RIBC2: variants seen among roughly 807,000 people sequenced by gnomAD.
RIBC2 encodes the protein RIB43A domain with coiled-coils 2.
In RIBC2, 40 loss-of-function variants were observed where a neutral mutation model predicts 44.3. The ratio of observed to expected loss-of-function variants is 0.90; its 90% CI spans 0.70 to 1.18. The LOEUF is 1.18. RIBC2 is among the 50% of genes most tolerant of loss of function. The pLI, the probability that RIBC2 is intolerant of heterozygous loss-of-function variation, is 0.00. For synonymous variants in RIBC2, 171 were observed against 175.0 expected (o/e 0.98, Z 0.18); for missense variants, 459 against 485.5 (o/e 0.95, Z 0.51).
chr22:45,423,814 G>A (rs2087508525), intron 4 of RIBC2, among the ~76,000 whole-genome samples: 1 of 152,164 alleles, frequency 6.6e-6, no homozygotes, highest in South Asian at 2.1e-4. Flanking sequence ...TTTACAGAGG[G>A]CGACCAAAGA....
Position 45,413,892 on chromosome 22 carries a change from T to C in RIBC2, c.6T>C (p.Gly2=). 2 of 1,550,996 alleles carry C rather than the reference T, an allele frequency of 1.3e-6. No homozygotes were observed. Among genetic ancestry groups the C allele is most frequent in the Non-Finnish European group, 1.7e-6 (2 of 1,146,542 alleles). Residue 2 remains glycine, a synonymous_variant, in exon 1 of 7, where the codon GGT becomes GGC. Transcript: ENST00000614167. ...AAAAACCCCTTAGGCTTTCCATGGG[T>C]TCCCAGACCATGGCGGTGGCGCTGC... M[G]SQTMAVALPR...
At position 45,432,411 on chromosome 22, in the gene RIBC2, C is replaced by T. The variant is rs2087589505; in HGVS notation, c.*49C>T. 8.1e-7 allele frequency: 1 copy of T among 1,228,878 alleles called. No homozygotes were observed. Among genetic ancestry groups the T allele is most frequent in the Non-Finnish European group, 1.2e-6 (1 of 848,320 alleles). 76.1% of individuals were successfully genotyped at this position (1,228,878 alleles called of 1,614,324 possible). A position where few individuals can be genotyped will look rare whatever the true frequency, so the allele number is the denominator to read the frequency against. On this transcript the variant is annotated 3_prime_UTR_variant, in exon 7 of 7. Transcript: ENST00000614167. ...TCATTCACGTATAAAGAGTGGCTAC[C>T]TTAAAGAGTCACGTTTCTTTTTTAA...
In RIBC2 at chr22:45,414,359, A is replaced by G. The variant is rs2146869782; in HGVS notation, c.167A>G (p.Gln56Arg). ...TEAWDVQVHD[Q>R]KIKEATEKAR... ...GCCTGGGATGTTCAAGTTCATGACCAGAAGATAAAAGAAGCTACTGAAAAA... is the reference window on the plus strand; with the variant it reads ...GCCTGGGATGTTCAAGTTCATGACCGGAAGATAAAAGAAGCTACTGAAAAA... The change falls in exon 2 of 7, where the codon CAG becomes CGG. Residue 56 changes from glutamine to arginine, a missense_variant. By Grantham distance (43) the Gln-to-Arg change is conservative. Coordinates refer to ENST00000614167, the MANE Select transcript of RIBC2 (RefSeq NM_015653.5). The G allele has an allele frequency of 6.4e-7, 1 of 1,551,186 alleles. No homozygotes were observed. The highest frequency in any genetic ancestry group is 1.4e-5 in the African/African-American group (1 of 73,126).
chr22:45,431,144 AG>A, intron 6 of RIBC2, 78 bp downstream of exon 6: 3 of 1,461,460 alleles, frequency 2.1e-6, no homozygotes, highest in Non-Finnish European at 2.8e-6. Flanking sequence ...AAGGACGAGG[AG>A]GGGGCAGGAG....
At chr22:45,420,128 CA>C (rs2087464300) in intron 3 of RIBC2, among the ~76,000 whole-genome samples, 1 of 152,168 alleles carries the variant, frequency 6.6e-6, no homozygotes, top group African/African-American at 2.4e-5. Flanking sequence ...CAGAGACCTA[CA>C]ACGCCTTCAC....
At chr22:45,424,850 G>A (rs536714847) in intron 4 of RIBC2, among the ~76,000 whole-genome samples, 5 of 150,652 alleles carry the variant, frequency 3.3e-5, no homozygotes, top group Admixed American at 3.3e-4. Context: ...CTGCCTCCCG[G>A]GTTCACACCA....
chr22:45,414,542 G>A (rs1016153728), intron 2 of RIBC2, 139 bp downstream of exon 2: 20 of 524,324 alleles, frequency 3.8e-5, no homozygotes, highest in Non-Finnish European at 6.3e-5. Context: ...GTCTCACTAT[G>A]TTGCCCAGGC....
chr22:45,414,060 G>T (rs2087391274), intron 1 of RIBC2, 45 bp downstream of exon 1: 2 of 1,546,348 alleles, frequency 1.3e-6, no homozygotes, highest in South Asian at 1.2e-5. Flanking sequence ...GCAGATGCGG[G>T]CGAGGGGCTG....
chr22:45,431,312 C>A (rs1186073677), intron 6 of RIBC2, among the ~76,000 whole-genome samples: 1 of 152,132 alleles, frequency 6.6e-6, no homozygotes, highest in African/African-American at 2.4e-5. Flanking sequence ...ACTGAGTCTG[C>A]TGGGGGAGTC....
chr22:45,431,055 G>C lies in RIBC2; in HGVS notation c.1059G>C (p.Glu353Asp), dbSNP rs1456739826. Reference protein sequence around the residue: ...LDSSNLSLAKEQHLQKKYMNE... With the variant: ...LDSSNLSLAKDQHLQKKYMNE... The stretch of plus-strand genomic sequence containing the variant: ...GCAGCAACCTCAGCCTGGCCAAGGA[G>C]CAGCATTTGCAGTGAGTGCTGGGTG... The change falls in exon 6 of 7, where the codon GAG becomes GAC. Residue 353 changes from glutamate (E) to aspartate (D), a missense_variant. By Grantham distance (45) the Glu-to-Asp change is conservative (BLOSUM62 2). Transcript: ENST00000614167. The C allele has an allele frequency of 5.7e-6, 9 of 1,573,038 alleles. No individual in the cohort carries two copies. The African/African-American group carries it at 1.1e-4, about 19-fold the overall frequency.
In RIBC2 at chr22:45,417,918, G is replaced by A. The variant is rs773032454; in HGVS notation, c.528G>A (p.Lys176=). 2 of 1,610,118 alleles carry A rather than the reference G, an allele frequency of 1.2e-6. No individual in the cohort carries two copies. The highest frequency in any genetic ancestry group is 4.5e-5 in the East Asian group (2 of 44,792). Residue 176 remains lysine, a synonymous_variant, in exon 3 of 7, where the codon AAG becomes AAA. Coordinates refer to ENST00000614167, the MANE Select transcript of RIBC2 (RefSeq NM_015653.5). ...CTTTGCAGCAGCAAAGGGAATGGAA[G>A]AACGCCCGTGCTGAACAAAAATGCG... The part of the protein sequence containing the change: ...EWSLQQQREW[K]NARAEQKCAE...
chr22:45,414,096 C>G, intron 1 of RIBC2, 81 bp downstream of exon 1: 1 of 1,518,826 alleles, frequency 6.6e-7, no homozygotes, highest in Non-Finnish European at 8.9e-7. Context: ...GAGATGAGTT[C>G]TAGGATGAAA....
At position 45,413,753 on chromosome 22, in the gene RIBC2, G is replaced by T. The variant is rs982377466; in HGVS notation, c.-134G>T. 9.0e-6 allele frequency: 12 copies of T among 1,326,274 alleles called. No homozygotes were observed. In the African/African-American group the frequency reaches 1.3e-4, roughly 15 times the overall value. 82.2% of individuals were successfully genotyped at this position (1,326,274 alleles called of 1,614,324 possible). A position where few individuals can be genotyped will look rare whatever the true frequency, so the allele number is the denominator to read the frequency against. ...ACCTCTGCGGCGTCACTGGGAGCCC[G>T]ACGGAAAACTGCGCTAAAGGCTTGT... On this transcript the variant is annotated 5_prime_UTR_variant, in exon 1 of 7. Transcript: ENST00000614167.
intron 5 of RIBC2, among the ~76,000 whole-genome samples, chr22:45,429,879 C>T (rs1300186602): frequency 6.6e-6 from 1 of 152,152 alleles, no homozygotes; most frequent in Non-Finnish European, 1.5e-5. Context: ...AACTACTGCC[C>T]GCTTCCTTTC....
chr22:45,431,218 G>T, intron 6 of RIBC2, 152 bp downstream of exon 6: 1 of 914,558 alleles, frequency 1.1e-6, no homozygotes, highest in Admixed American at 2.7e-5. Context: ...GGCTGGCTTG[G>T]GTTGACAGAC....
At chr22:45,427,423 A>G (rs1404109984) in intron 5 of RIBC2, among the ~76,000 whole-genome samples, 2 of 152,256 alleles carry the variant, frequency 1.3e-5, no homozygotes, top group African/African-American at 4.8e-5. Context: ...GGTTGCCCCT[A>G]ACTCTAAAGA....
intron 3 of RIBC2, 41 bp downstream of exon 3, chr22:45,417,987 T>C (rs559666677): frequency 1.5e-6 from 2 of 1,331,510 alleles, no homozygotes; most frequent in Admixed American, 2.7e-5. Flanking sequence ...AACGCTCTCT[T>C]CAACAAACCA....
Position 45,432,422 on chromosome 22 carries a change from AC to A in RIBC2, c.*61del. The A allele has an allele frequency of 8.6e-7, 1 of 1,168,880 alleles. No individual in the cohort carries two copies. The allele number at this position is 1,168,880 out of a possible 1,614,324, so 72.4% of individuals were successfully genotyped here. A position where few individuals can be genotyped will look rare whatever the true frequency, so the allele number is the denominator to read the frequency against. ...TAAAGAGTGGCTACCTTAAAGAGTC[AC>A]GTTTCTTTTTTAAAGATACACTCCT... On this transcript the variant is annotated 3_prime_UTR_variant, in exon 7 of 7. Coordinates refer to ENST00000614167, the MANE Select transcript of RIBC2 (RefSeq NM_015653.5).
intron 5 of RIBC2, among the ~76,000 whole-genome samples, chr22:45,428,037 G>A (rs2087549164): frequency 6.6e-6 from 1 of 152,242 alleles, no homozygotes; most frequent in Admixed American, 6.5e-5. Context: ...ATCTGAGAAG[G>A]GGCCGCCAGG....
Sources: allele counts gnomAD v4.1 joint callset (sites outside exome capture counted in the v4.1 genomes callset), GRCh38; gene constraint gnomAD v4.1.1; transcripts MANE v1.5; gene names NCBI Gene and HGNC (gene_info 2026-07-23, HGNC 2026-07-21).